Variants in CA5A observed in about 807,000 individuals in gnomAD.
The protein encoded by CA5A is carbonic anhydrase 5A.
Under a neutral mutation model 37.1 loss-of-function variants are expected in CA5A, and 28 were observed. That is an observed-to-expected ratio of 0.75 (90% CI 0.56 to 1.03). The LOEUF is 1.03. Among genes scored for constraint, CA5A ranks in the 50% least tolerant of loss-of-function variants. The pLI is 0.00. For missense variants in CA5A, 444 were observed against 399.9 expected (o/e 1.11, Z -0.94); for synonymous variants, 171 against 158.4 (o/e 1.08, Z -0.60).
At chr16:87,887,048 A>G, downstream of CA5A, 2 of 151,998 alleles carry the variant, frequency 1.3e-5, no homozygotes, top group Non-Finnish European at 2.9e-5. Flanking sequence ...GATTACAGGC[A>G]TGAGCCACCA....
At chr16:87,910,108 A>G (rs1186869440) in intron 2 of CA5A, among the ~76,000 whole-genome samples, 1 of 152,186 alleles carries the variant, frequency 6.6e-6, no homozygotes, top group African/African-American at 2.4e-5. Flanking sequence ...AACAAAAAAC[A>G]ACGAACTGGA....
At position 87,889,914 on chromosome 16, in the gene CA5A, C is replaced by G. The variant is rs144953827; in HGVS notation, c.775-1642G>C. Among the ~76,000 whole-genome samples the G allele has an allele frequency of 6.2e-3, 941 of 152,386 alleles. 11 individuals carry two copies. The highest frequency in any genetic ancestry group is 0.021 in the African/African-American group (889 of 41,596). On this transcript the variant is annotated intron_variant, in intron 6 of 6. Coordinates refer to ENST00000649794, the MANE Select transcript of CA5A (RefSeq NM_001739.2). ...TGAGATTATGTCTACATGCTGACAG[C>G]ATACTGGTCCAGTTAGCCCTGCGTG...
chr16:87,923,374 G>A (rs1231953228), intron 2 of CA5A: 1 of 181,128 alleles, frequency 5.5e-6, no homozygotes, highest in African/African-American at 2.4e-5. Context: ...TTTTAGTACA[G>A]ATGGGGTTTC....
At chr16:87,892,025 C>A in intron 5 of CA5A, 71 bp from the exon 6 acceptor site, 1 of 1,367,986 alleles carries the variant, frequency 7.3e-7, no homozygotes, top group Non-Finnish European at 9.7e-7. Flanking sequence ...TGTCTCAGCA[C>A]GTGAGGCCTT....
At position 87,935,447 on chromosome 16, in the gene CA5A, G is replaced by A. The variant is rs960760933; in HGVS notation, c.142+862C>T. Reference sequence around the variant, plus strand: ...GTGACTGGTTAGTGCAGCCCATTCCGCCGGGTCTGGATGGTGAGTCGTGCC... The same window carrying A: ...GTGACTGGTTAGTGCAGCCCATTCCACCGGGTCTGGATGGTGAGTCGTGCC... On this transcript the variant is annotated intron_variant, in intron 1 of 6. Transcript: ENST00000649794. Among the ~76,000 whole-genome samples the A allele has an allele frequency of 5.3e-5, 8 of 152,208 alleles. No homozygotes were observed. In the East Asian group the frequency reaches 5.8e-4, roughly 11 times the overall value.
chr16:87,917,597 T>C (rs571265893), intron 2 of CA5A, among the ~76,000 whole-genome samples: 11 of 152,154 alleles, frequency 7.2e-5, no homozygotes, highest in East Asian at 1.9e-4. Flanking sequence ...TGTGCACACA[T>C]GCACACACCA....
intron 5 of CA5A, chr16:87,892,920 T>A (rs1196289341): frequency 1.6e-6 from 1 of 631,792 alleles, no homozygotes; most frequent in Admixed American, 2.7e-5. Context: ...CCTCCCAAAG[T>A]GCTGGGGTGA....
intron 2 of CA5A, chr16:87,925,575 G>A (rs1259982306): frequency 6.6e-6 from 1 of 152,336 alleles, no homozygotes; most frequent in Non-Finnish European, 1.5e-5. Context: ...GCAGCTTACA[G>A]TGACACCAGC....
chr16:87,919,007 G>C (rs781542734), intron 2 of CA5A, among the ~76,000 whole-genome samples: 1 of 152,238 alleles, frequency 6.6e-6, no homozygotes, highest in Non-Finnish European at 1.5e-5. Context: ...GCGTGGACGG[G>C]AGCCAAAGGA....
intron 2 of CA5A, among the ~76,000 whole-genome samples, chr16:87,905,460 G>C (rs1406220081): frequency 6.6e-6 from 1 of 152,136 alleles, no homozygotes; most frequent in African/African-American, 2.4e-5. Context: ...CTGGGTTCTA[G>C]TGATTCTCCT....
chr16:87,883,640 ATT>A (rs150442895), downstream of CA5A: 18 of 112,462 alleles, frequency 1.6e-4, no homozygotes, highest in Admixed American at 2.7e-4. Flanking sequence ...TACTTTTCGT[ATT>A]TTTTTTTTTT....
chr16:87,901,818 C>T (rs1257864519), intron 5 of CA5A, 94 bp downstream of exon 5: 26 of 1,012,562 alleles, frequency 2.6e-5, no homozygotes, highest in Non-Finnish European at 3.5e-5. Flanking sequence ...AACTCCCAAC[C>T]TCACGTGATC....
At chr16:87,897,886 G>C (rs2055826599) in intron 5 of CA5A, among the ~76,000 whole-genome samples, 1 of 152,144 alleles carries the variant, frequency 6.6e-6, no homozygotes, top group Non-Finnish European at 1.5e-5. Flanking sequence ...TCGCTTCTTT[G>C]AACCCCTTCC....
intron 2 of CA5A, chr16:87,923,600 T>A: frequency 1.0e-6 from 1 of 985,426 alleles, no homozygotes; most frequent in Non-Finnish European, 1.2e-6. Context: ...GTGAGGACAT[T>A]AGCCGGGTGC....
At chr16:87,918,246 G>A (rs1305380984) in intron 2 of CA5A, among the ~76,000 whole-genome samples, 2 of 152,208 alleles carry the variant, frequency 1.3e-5, no homozygotes, top group African/African-American at 4.8e-5. Flanking sequence ...TGCCCAATGA[G>A]CTGGGCCCTC....
In CA5A at chr16:87,911,507, G is replaced by T. The variant is rs1188391324; in HGVS notation, c.341-6603C>A. Among the ~76,000 whole-genome samples, 2 of 152,182 alleles carry T rather than the reference G, an allele frequency of 1.3e-5. No homozygotes were observed. The highest frequency in any genetic ancestry group is 4.8e-5 in the African/African-American group (2 of 41,446). On this transcript the variant is annotated intron_variant, in intron 2 of 6. Transcript: ENST00000649794. The surrounding 1 kb of genome is among the most constrained non-coding windows in gnomAD (Gnocchi z 4.6). ...AATTAGTACACGAGAAGTTTGAGATGTTCTAATTACTGGAAATTTCAAATA... is the reference window on the plus strand; with the variant it reads ...AATTAGTACACGAGAAGTTTGAGATTTTCTAATTACTGGAAATTTCAAATA...
At chr16:87,890,043 T>C (rs1010331316) in intron 6 of CA5A, among the ~76,000 whole-genome samples, 2 of 152,248 alleles carry the variant, frequency 1.3e-5, no homozygotes, top group African/African-American at 4.8e-5. Context: ...TTGTTGACTG[T>C]GCAGCCTTTC....
intron 5 of CA5A, among the ~76,000 whole-genome samples, chr16:87,899,211 A>G (rs1322360988): frequency 6.1e-5 from 9 of 147,384 alleles, no homozygotes; most frequent in Admixed American, 2.0e-4. Flanking sequence ...TCTAGGCGAG[A>G]GAGTTGTTCA....
intron 6 of CA5A, among the ~76,000 whole-genome samples, chr16:87,889,345 C>T (rs1567513232): frequency 6.6e-6 from 1 of 152,234 alleles, no homozygotes; most frequent in African/African-American, 2.4e-5. Context: ...TGAGCTACTG[C>T]ACCCGGCTCA....
Sources: gnomAD v4.1 joint callset for allele counts (sites outside exome capture counted in the v4.1 genomes callset) on GRCh38, gnomAD v4.1.1 for gene constraint, Gnocchi (gnomAD v3.1) non-coding constraint, MANE v1.5 for transcripts, NCBI Gene and HGNC (gene_info 2026-07-23, HGNC 2026-07-21) for gene names.